The following RIMBP2 variants were observed in gnomAD, a reference collection of about 807,000 sequenced individuals.
RIMBP2 encodes the protein RIMS-binding protein 2.
Under a neutral mutation model 118.6 loss-of-function variants are expected in RIMBP2, and 48 were observed. That is an observed-to-expected ratio of 0.40 (90% CI 0.32 to 0.51). The LOEUF (loss-of-function observed/expected upper bound fraction) is 0.51. Ranked by LOEUF, RIMBP2 falls within the 20% of genes least tolerant of loss-of-function variation. The pLI, the probability that RIMBP2 is intolerant of heterozygous loss-of-function variation, is 0.41. For synonymous variants in RIMBP2, 762 were observed against 742.9 expected, an observed-to-expected ratio of 1.03 and a Z score of -0.42; for missense variants, 1,551 against 1,768.3, an observed-to-expected ratio of 0.88 and a Z score of 2.20.
chr12:130,667,052 GGAGAA>G (rs2063958648), intron 1 of RIMBP2, among the ~76,000 whole-genome samples: 1 of 126,172 alleles, frequency 7.9e-6, no homozygotes. Flanking sequence ...AGGGAGGGAG[GGAGAA>G]AAGGAAGAAG....
At chr12:130,596,757 C>T (rs1215093030) in intron 2 of RIMBP2, among the ~76,000 whole-genome samples, 1 of 152,160 alleles carries the variant, frequency 6.6e-6, no homozygotes, top group Non-Finnish European at 1.5e-5. Flanking sequence ...TTGGGAAACG[C>T]CATCCAATCA....
intron 1 of RIMBP2, among the ~76,000 whole-genome samples, chr12:130,641,407 G>A (rs1051310997): frequency 1.0e-4 from 14 of 134,842 alleles, no homozygotes; most frequent in Admixed American, 7.1e-4. Flanking sequence ...CCGGACACTC[G>A]GCCCGGCATC....
intron 12 of RIMBP2, among the ~76,000 whole-genome samples, chr12:130,437,543 T>C (rs536260365): frequency 1.3e-4 from 20 of 152,222 alleles, no homozygotes; most frequent in Non-Finnish European, 2.5e-4. Context: ...ACGTCAACCA[T>C]TTATCTCCCA....
At position 130,551,277 on chromosome 12, in the gene RIMBP2, A is replaced by T. The variant is rs538965528; in HGVS notation, c.-216-33360T>A. Among the ~76,000 whole-genome samples the T allele has an allele frequency of 2.1e-3, 327 of 152,346 alleles. 2 individuals carry two copies. Among genetic ancestry groups the T allele is most frequent in the Non-Finnish European group, 3.5e-3 (239 of 68,030 alleles). On this transcript the variant is annotated intron_variant, in intron 2 of 22. Transcript: ENST00000690449. Reference sequence around the variant, plus strand: ...AGTCATGATGGTAGAGAAAGGTGGAAAGAAGCTGGCATCAGAGGGGCTTAA... The same window carrying T: ...AGTCATGATGGTAGAGAAAGGTGGATAGAAGCTGGCATCAGAGGGGCTTAA...
chr12:130,404,052 G>A (rs982563350), intron 21 of RIMBP2, among the ~76,000 whole-genome samples: 40 of 152,178 alleles, frequency 2.6e-4, no homozygotes, highest in African/African-American at 8.9e-4. Flanking sequence ...ATTCAGAATC[G>A]TTCTAAGTGA....
rs149011374 is a variant in RIMBP2, at chr12:130,424,971, G to T, written c.2413-113C>A. ...CAGAATTAGTCCTGGAGGCACCGAG[G>T]GGGGGGAAGCATGCGTCTACTCAGG... On this transcript the variant is annotated intron_variant, in intron 15 of 22. Coordinates refer to ENST00000690449, the MANE Select transcript of RIMBP2 (RefSeq NM_001393629.1). This position sits in a 1 kb window ranked among gnomAD's most constrained non-coding sequence, Gnocchi z 9.8. 100 of 556,764 alleles carry T rather than the reference G, an allele frequency of 1.8e-4. No individual in the cohort carries two copies. Among genetic ancestry groups the T allele is most frequent in the South Asian group, 4.9e-4 (5 of 10,146 alleles). The allele number at this position is 556,764 out of a possible 1,614,324, so 34.5% of individuals were successfully genotyped here. A position where few individuals can be genotyped will look rare whatever the true frequency, so the allele number is the denominator to read the frequency against.
intron 2 of RIMBP2, among the ~76,000 whole-genome samples, chr12:130,602,912 T>A (rs1387400762): frequency 6.6e-6 from 1 of 152,158 alleles, no homozygotes; most frequent in African/African-American, 2.4e-5. Flanking sequence ...TCAGGAATAA[T>A]TAACACACCC....
chr12:130,636,755 A>G (rs1260818905), intron 1 of RIMBP2, among the ~76,000 whole-genome samples: 2 of 152,178 alleles, frequency 1.3e-5, no homozygotes, highest in African/African-American at 4.8e-5. Flanking sequence ...AACAGCGCTG[A>G]GCTATGAGGA....
At chr12:130,664,415 A>ACGCACGCACCCACGCACACACACGCACG (rs1195044326) in intron 1 of RIMBP2, among the ~76,000 whole-genome samples, 1 of 130,496 alleles carries the variant, frequency 7.7e-6, no homozygotes, top group African/African-American at 2.8e-5. Flanking sequence ...ACGCACGCAC[A>ACGCACGCACCCACGCACACACACGCACG]CACACGCACA....
chr12:130,524,966 G>A (rs182571168), intron 2 of RIMBP2, among the ~76,000 whole-genome samples: 11 of 152,310 alleles, frequency 7.2e-5, no homozygotes, highest in Non-Finnish European at 1.5e-4. Context: ...GAGACCCCAC[G>A]TGAGGCCCGG....
rs2058063099 is a variant in RIMBP2 at position 130,576,080 on chromosome 12, T to C, written c.-217+52242A>G. The stretch of plus-strand genomic sequence containing the variant: ...ACATCACAGTGGGAACTGTGTACTC[T>C]GCAGGGAGGCTGGTGCGGGGGGACC... On this transcript the variant is annotated intron_variant, in intron 2 of 22. Coordinates refer to ENST00000690449, the MANE Select transcript of RIMBP2 (RefSeq NM_001393629.1). The surrounding 1 kb of genome is among the most constrained non-coding windows in gnomAD (Gnocchi z 4.2). Among the ~76,000 whole-genome samples the C allele has an allele frequency of 6.6e-6, 1 of 150,948 alleles. No individual in the cohort carries two copies. The highest frequency in any genetic ancestry group is 1.5e-5 in the Non-Finnish European group (1 of 67,814).
At chr12:130,401,650 CTA>C (rs2074588473) in intron 21 of RIMBP2, among the ~76,000 whole-genome samples, 1 of 151,932 alleles carries the variant, frequency 6.6e-6, no homozygotes. Flanking sequence ...ACATTACAGA[CTA>C]TTTCTAGGCC....
intron 2 of RIMBP2, among the ~76,000 whole-genome samples, chr12:130,572,275 C>T (rs971759127): frequency 6.6e-6 from 1 of 152,222 alleles, no homozygotes; most frequent in African/African-American, 2.4e-5. Context: ...TACTTGGACA[C>T]ATCAGCAAAA....
chr12:130,429,631 T>A (rs762639674), intron 14 of RIMBP2: 1 of 152,202 alleles, frequency 6.6e-6, no homozygotes, highest in Non-Finnish European at 1.5e-5. Flanking sequence ...AATAGCATTC[T>A]GTGACGTATT....
At chr12:130,582,097 A>G (rs1455849581) in intron 2 of RIMBP2, among the ~76,000 whole-genome samples, 1 of 151,620 alleles carries the variant, frequency 6.6e-6, no homozygotes, top group Admixed American at 6.6e-5. Flanking sequence ...TAAACATCCA[A>G]CTAAAATTAC....
At position 130,578,024 on chromosome 12, in the gene RIMBP2, C is replaced by T. The variant is rs1457078262; in HGVS notation, c.-217+50298G>A. Among the ~76,000 whole-genome samples, 1 of 152,174 alleles carries T rather than the reference C, an allele frequency of 6.6e-6. No individual in the cohort carries two copies. The highest frequency in any genetic ancestry group is 1.5e-5 in the Non-Finnish European group (1 of 68,040). On this transcript the variant is annotated intron_variant, in intron 2 of 22. Transcript: ENST00000690449. The surrounding 1 kb of genome is among the most constrained non-coding windows in gnomAD (Gnocchi z 4.1). ...TACGGTTTTTACTTGTCAATTATAC[C>T]TCAACAAAGCTGGGGAAAAAAATAT...
At chr12:130,423,244 G>A (rs1050753525) in intron 16 of RIMBP2, among the ~76,000 whole-genome samples, 5 of 152,182 alleles carry the variant, frequency 3.3e-5, no homozygotes, top group Non-Finnish European at 5.9e-5. Context: ...AGGAACACAG[G>A]CATGAATGGT....
At chr12:130,629,630 C>T (rs2061859706) in intron 1 of RIMBP2, among the ~76,000 whole-genome samples, 2 of 152,242 alleles carry the variant, frequency 1.3e-5, no homozygotes, top group South Asian at 4.2e-4. Flanking sequence ...TGTGGATACC[C>T]CTCCCCAGAT....
intron 1 of RIMBP2, among the ~76,000 whole-genome samples, chr12:130,673,927 G>A (rs866096166): frequency 6.7e-6 from 1 of 148,346 alleles, no homozygotes; most frequent in African/African-American, 2.5e-5. Context: ...TGGCCAACAC[G>A]GTGAAACCCC....
Sources: allele counts gnomAD v4.1 joint callset (sites outside exome capture counted in the v4.1 genomes callset), GRCh38; gene constraint gnomAD v4.1.1; non-coding constraint Gnocchi (gnomAD v3.1); transcripts MANE v1.5; gene names NCBI Gene and HGNC (gene_info 2026-07-23, HGNC 2026-07-21).